The following SUGCT variants were observed in gnomAD, a reference collection of about 807,000 sequenced individuals.
The protein encoded by SUGCT is succinyl-CoA:glutarate-CoA transferase.
Under a neutral mutation model 55.0 loss-of-function variants are expected in SUGCT, and 41 were observed. That is an observed-to-expected ratio of 0.74 (90% CI 0.58 to 0.97). The LOEUF is 0.97. SUGCT is among the 50% of genes least tolerant of loss of function. The pLI is 0.00. For synonymous variants in SUGCT, 187 were observed against 200.4 expected (o/e 0.93, Z 0.56); for missense variants, 568 against 547.8 (o/e 1.04, Z -0.37).
the SUGCT span, among the ~76,000 whole-genome samples, chr7:40,889,730 A>G: frequency 1.3e-5 from 2 of 152,298 alleles, no homozygotes; most frequent in South Asian, 2.1e-4. Flanking sequence ...GTAGTTTATT[A>G]CCTACTGACA....
At chr7:40,240,196 C>T (rs554494531) in intron 7 of SUGCT, among the ~76,000 whole-genome samples, 1 of 152,124 alleles carries the variant, frequency 6.6e-6, no homozygotes, top group Non-Finnish European at 1.5e-5. Context: ...TGAAAAGAAT[C>T]AGGCCAGCTT....
chr7:40,796,505 C>T (rs574707043), intron 13 of SUGCT, among the ~76,000 whole-genome samples: 14 of 152,280 alleles, frequency 9.2e-5, no homozygotes, highest in Middle Eastern at 6.8e-3. Context: ...CTTTTATTCT[C>T]TGTTAGGTAC....
At chr7:40,468,730 TG>T in intron 11 of SUGCT, among the ~76,000 whole-genome samples, 1 of 140,876 alleles carries the variant, frequency 7.1e-6, no homozygotes, top group East Asian at 2.1e-4. Flanking sequence ...TGTGGGGGAG[TG>T]GGGGTGGGTT....
At chr7:40,383,409 A>G (rs1583565138) in intron 9 of SUGCT, among the ~76,000 whole-genome samples, 1 of 152,324 alleles carries the variant, frequency 6.6e-6, no homozygotes, top group East Asian at 1.9e-4. Flanking sequence ...GGACGGGTTC[A>G]AGACATAGGA....
chr7:40,825,130 C>T (rs1792251808), intron 13 of SUGCT, among the ~76,000 whole-genome samples: 3 of 152,142 alleles, frequency 2.0e-5, no homozygotes, highest in African/African-American at 4.8e-5. Flanking sequence ...TCTGGCAGAC[C>T]TGGAAGTAGT....
the SUGCT span, among the ~76,000 whole-genome samples, chr7:40,893,165 C>G: frequency 6.6e-6 from 1 of 151,902 alleles, no homozygotes; most frequent in Admixed American, 6.6e-5. Context: ...ACATCAGGGT[C>G]CCTAAATATA....
chr7:41,036,846 A>G, the SUGCT span, among the ~76,000 whole-genome samples: 5 of 152,158 alleles, frequency 3.3e-5, no homozygotes, highest in Admixed American at 2.0e-4. Flanking sequence ...CTTCTGTTAC[A>G]TGTACCTTAA....
chr7:40,797,926 T>C (rs965087551), intron 13 of SUGCT, among the ~76,000 whole-genome samples: 2 of 152,216 alleles, frequency 1.3e-5, no homozygotes, highest in African/African-American at 4.8e-5. Context: ...TATGGCCAAC[T>C]CATGCTGTAT....
chr7:41,006,861 T>C, the SUGCT span, among the ~76,000 whole-genome samples: 2 of 152,236 alleles, frequency 1.3e-5, no homozygotes, highest in Non-Finnish European at 1.5e-5. Context: ...AATGATTACA[T>C]AGAATGGCAT....
chr7:40,681,034 A>G (rs1784213597), intron 12 of SUGCT, among the ~76,000 whole-genome samples: 1 of 152,118 alleles, frequency 6.6e-6, no homozygotes, highest in Non-Finnish European at 1.5e-5. Flanking sequence ...TTTATAATAC[A>G]CCTCAGATAC....
chr7:40,750,841 CA>C (rs1264692558), intron 13 of SUGCT, among the ~76,000 whole-genome samples: 1 of 152,092 alleles, frequency 6.6e-6, no homozygotes, highest in Non-Finnish European at 1.5e-5. Context: ...AAAATGTTGA[CA>C]AAAGCTAAGA....
intron 11 of SUGCT, among the ~76,000 whole-genome samples, chr7:40,490,055 A>G (rs1791597823): frequency 6.6e-6 from 1 of 152,230 alleles, no homozygotes; most frequent in Non-Finnish European, 1.5e-5. Context: ...TAAGCCCAGG[A>G]CAACCATGGC....
chr7:40,795,313 C>T (rs1790498653), intron 13 of SUGCT, among the ~76,000 whole-genome samples: 1 of 152,150 alleles, frequency 6.6e-6, no homozygotes, highest in South Asian at 2.1e-4. Context: ...CTCTTTATTA[C>T]CACAATGAAA....
chr7:40,205,727 C>T (rs549289026), intron 6 of SUGCT, among the ~76,000 whole-genome samples: 43 of 150,928 alleles, frequency 2.8e-4, no homozygotes, highest in Non-Finnish European at 5.6e-4. Context: ...TATGCAAGTA[C>T]CCTCTCATGA....
At chr7:40,183,590 C>T (rs1785337830) in intron 3 of SUGCT, among the ~76,000 whole-genome samples, 1 of 152,132 alleles carries the variant, frequency 6.6e-6, no homozygotes, top group South Asian at 2.1e-4. Context: ...CTCAGCCTTT[C>T]AGAATGTTGG....
intron 13 of SUGCT, among the ~76,000 whole-genome samples, chr7:40,846,034 G>A (rs1346543660): frequency 1.3e-5 from 2 of 152,164 alleles, no homozygotes; most frequent in African/African-American, 4.8e-5. Context: ...GAATCGAAAC[G>A]TGATCTGGCT....
chr7:41,036,788 T>C, the SUGCT span, among the ~76,000 whole-genome samples: 15 of 152,170 alleles, frequency 9.9e-5, no homozygotes, highest in African/African-American at 3.4e-4. Flanking sequence ...TGCTCTCATA[T>C]CTCTCTCCAA....
intron 1 of SUGCT, among the ~76,000 whole-genome samples, chr7:40,138,810 A>C (rs975337399): frequency 6.6e-6 from 1 of 152,216 alleles, no homozygotes; most frequent in Non-Finnish European, 1.5e-5. Flanking sequence ...TTTTCAGGGA[A>C]GATTAAAAGG....
chr7:40,690,213 G>A (rs545708689), intron 12 of SUGCT, among the ~76,000 whole-genome samples: 2 of 152,084 alleles, frequency 1.3e-5, no homozygotes, highest in Non-Finnish European at 2.9e-5. Context: ...GTTACAATTT[G>A]GTTGTCTGGG....
Sources: allele counts gnomAD v4.1 joint callset (sites outside exome capture counted in the v4.1 genomes callset), GRCh38; gene constraint gnomAD v4.1.1; transcripts MANE v1.5; gene names NCBI Gene and HGNC (gene_info 2026-07-23, HGNC 2026-07-21).